FMNL3: variants seen among roughly 807,000 people sequenced by gnomAD.
The protein encoded by FMNL3 is formin like 3.
FMNL3 carries 57 observed loss-of-function variants against 119.6 expected under a neutral mutation model. The observed-to-expected ratio is 0.48, with a 90% confidence interval of 0.39 to 0.59. The LOEUF (loss-of-function observed/expected upper bound fraction) is 0.59. FMNL3 is among the 20% of genes least tolerant of loss of function. The pLI, the probability that FMNL3 is intolerant of heterozygous loss-of-function variation, is 0.00. For missense variants in FMNL3, 1,053 were observed against 1,323.5 expected (o/e 0.80, Z 3.17); for synonymous variants, 491 against 507.3 (o/e 0.97, Z 0.43).
At chr12:49,659,595 G>T (rs1279339807) in intron 5 of FMNL3, among the ~76,000 whole-genome samples, 1 of 152,076 alleles carries the variant, frequency 6.6e-6, no homozygotes, top group African/African-American at 2.4e-5. Flanking sequence ...AAATTTTCTT[G>T]TAGAGATGGA....
chr12:49,658,343 C>G, intron 6 of FMNL3, 99 bp downstream of exon 6: 1 of 1,456,638 alleles, frequency 6.9e-7, no homozygotes, highest in African/African-American at 1.4e-5. Context: ...AGCCTGGAAG[C>G]AAGAGTGGAG....
At chr12:49,656,603 A>G in intron 8 of FMNL3, 106 bp from the exon 9 acceptor site, 4 of 1,051,898 alleles carry the variant, frequency 3.8e-6, no homozygotes, top group Non-Finnish European at 5.6e-6. Context: ...AGAAAGCCTC[A>G]GTGGTGAGGA....
chr12:49,653,451 G>A (rs568409623), intron 12 of FMNL3, 124 bp from the exon 13 acceptor site: 25 of 1,017,628 alleles, frequency 2.5e-5, no homozygotes, highest in Non-Finnish European at 3.6e-5. Context: ...GCTTAGTCAG[G>A]TGGTTCCCTT....
chr12:49,678,203 G>A (rs931430490), intron 1 of FMNL3, among the ~76,000 whole-genome samples: 1 of 150,926 alleles, frequency 6.6e-6, no homozygotes, highest in Admixed American at 6.6e-5. Context: ...CTTTGCCCAG[G>A]CTGGAGTGCA....
rs766397381 is a variant in FMNL3 at position 49,649,450 on chromosome 12, T to C, written c.2304+20A>G. The C allele has an allele frequency of 1.2e-6, 2 of 1,614,018 alleles. No homozygotes were observed. The highest frequency in any genetic ancestry group is 1.7e-6 in the Non-Finnish European group (2 of 1,180,030). Reference sequence around the variant, plus strand: ...AGGACCTGAAAACCCCCAGCACCCCTGTTCACAACCTCTTCCCACCTCCAA... The same window carrying C: ...AGGACCTGAAAACCCCCAGCACCCCCGTTCACAACCTCTTCCCACCTCCAA... On this transcript the variant is annotated intron_variant, in intron 19 of 25. Transcript: ENST00000335154. This position sits in a 1 kb window ranked among gnomAD's most constrained non-coding sequence, Gnocchi z 5.6.
intron 1 of FMNL3, among the ~76,000 whole-genome samples, chr12:49,676,520 G>GTTTTTTTTTTTTTTTT (rs58117011): frequency 9.7e-6 from 1 of 102,996 alleles, no homozygotes; most frequent in Non-Finnish European, 2.0e-5. Context: ...TTCATAGTGG[G>GTTTTTTTTTTTTTTTT]TTTTTTTTTT....
At chr12:49,653,648 A>C (rs991716966) in intron 12 of FMNL3, 77 bp downstream of exon 12, 1 of 1,584,776 alleles carries the variant, frequency 6.3e-7, no homozygotes. Flanking sequence ...TCTGGAGGCA[A>C]ATGGGTCAGC....
intron 1 of FMNL3, among the ~76,000 whole-genome samples, chr12:49,696,483 C>G (rs1366808286): frequency 1.3e-5 from 2 of 152,200 alleles, no homozygotes; most frequent in Admixed American, 1.3e-4. Context: ...TTGTTTAAGA[C>G]TCACCTACAG....
chr12:49,653,447 T>A, intron 12 of FMNL3, 120 bp from the exon 13 acceptor site: 2 of 1,038,092 alleles, frequency 1.9e-6, no homozygotes, highest in Admixed American at 3.7e-5. Context: ...GGCAGCTTAG[T>A]CAGGTGGTTC....
At position 49,649,597 on chromosome 12, in the gene FMNL3, G is replaced by A; in HGVS notation, c.2236-59C>T. 1 of 1,612,146 alleles carries A rather than the reference G, an allele frequency of 6.2e-7. No individual in the cohort carries two copies. Among genetic ancestry groups the A allele is most frequent in the Non-Finnish European group, 8.5e-7 (1 of 1,178,250 alleles). ...GGCTGAGATGGGGTAAAGACAGGGA[G>A]GGGTCAGAAGGACTGGAAGGGCAGG... On this transcript the variant is annotated intron_variant, in intron 18 of 25. Coordinates refer to ENST00000335154, the MANE Select transcript of FMNL3 (RefSeq NM_175736.5). This position sits in a 1 kb window ranked among gnomAD's most constrained non-coding sequence, Gnocchi z 5.6.
At chr12:49,684,580 A>G (rs1473895096) in intron 1 of FMNL3, among the ~76,000 whole-genome samples, 1 of 152,244 alleles carries the variant, frequency 6.6e-6, no homozygotes, top group Non-Finnish European at 1.5e-5. Flanking sequence ...GACATTCTAG[A>G]GAAATGACAG....
intron 4 of FMNL3, among the ~76,000 whole-genome samples, chr12:49,664,478 G>T (rs60613973): frequency 0.085 from 12,969 of 152,206 alleles, 669 homozygotes; most frequent in African/African-American, 0.14. Flanking sequence ...ATGCGGAGTG[G>T]TAGGGGGCTC....
chr12:49,651,332 C>A (rs1196154103), intron 15 of FMNL3, 40 bp from the exon 16 acceptor site: 7 of 1,604,506 alleles, frequency 4.4e-6, no homozygotes, highest in Non-Finnish European at 5.1e-6. Flanking sequence ...GGGCCAAGGA[C>A]ACACACCCCT....
At position 49,641,758 on chromosome 12, in the gene FMNL3, G is replaced by T. The variant is rs1592617557; in HGVS notation, c.*4057C>A. The T allele has an allele frequency of 1.6e-6, 1 of 631,360 alleles. No individual in the cohort carries two copies. The highest frequency in any genetic ancestry group is 2.7e-5 in the East Asian group (1 of 36,844). 39.1% of individuals were successfully genotyped at this position (631,360 alleles called of 1,614,324 possible). ...CTTAATTGTCAAGTGATGAGGACTT[G>T]GATAACTTGGTTTCTAATGCAGACC... is the stretch of plus-strand genomic sequence containing the variant. On this transcript the variant is annotated 3_prime_UTR_variant, in exon 26 of 26. Coordinates refer to ENST00000335154, the MANE Select transcript of FMNL3 (RefSeq NM_175736.5).
rs370114728 is a variant in FMNL3 at position 49,649,692 on chromosome 12, G to A, written c.2234C>T (p.Pro745Leu). The A allele has an allele frequency of 4.3e-6, 7 of 1,613,920 alleles. No homozygotes were observed. The highest frequency in any genetic ancestry group is 2.2e-5 in the South Asian group (2 of 91,070). ...NFQDNLQMLT[P>L]QLNAIIAASA... Reference sequence around the variant, plus strand: ...CCATGAGTTGGGTGGGGGCTGTACCGGTGTGAGCATCTGCAGGTTATCCTG... The same window carrying A: ...CCATGAGTTGGGTGGGGGCTGTACCAGTGTGAGCATCTGCAGGTTATCCTG... Residue 745 changes from proline to leucine, a missense_variant and splice_region_variant, in exon 18 of 26, where the codon CCG becomes CTG. By Grantham distance (98) the Pro-to-Leu change is moderately conservative. Transcript: ENST00000335154. This position sits in a 1 kb window ranked among gnomAD's most constrained non-coding sequence, Gnocchi z 5.6.
intron 1 of FMNL3, among the ~76,000 whole-genome samples, chr12:49,690,119 T>C (rs1443754446): frequency 6.6e-6 from 1 of 152,214 alleles, no homozygotes; most frequent in Admixed American, 6.5e-5. Flanking sequence ...ACAGATAAAA[T>C]ACAGCACAGA....
intron 1 of FMNL3, among the ~76,000 whole-genome samples, chr12:49,686,858 G>A (rs936081199): frequency 6.6e-6 from 1 of 152,136 alleles, no homozygotes; most frequent in East Asian, 1.9e-4. Context: ...GAGCCAGGAA[G>A]AATCAACCAC....
chr12:49,639,989 G>T lies in FMNL3; in HGVS notation c.*5826C>A, dbSNP rs903476285. 1 of 152,234 alleles carries T rather than the reference G, an allele frequency of 6.6e-6. No homozygotes were observed. The highest frequency in any genetic ancestry group is 2.1e-4 in the South Asian group (1 of 4,834). The allele number at this position is 152,234 out of a possible 1,614,324, so 9.4% of individuals were successfully genotyped here. A position where few individuals can be genotyped will look rare whatever the true frequency, so the allele number is the denominator to read the frequency against. On this transcript the variant is annotated 3_prime_UTR_variant, in exon 26 of 26. Coordinates refer to ENST00000335154, the MANE Select transcript of FMNL3 (RefSeq NM_175736.5). ...CACAGAGTGGCTGGTTGATAGGCCT[G>T]TAGGGGCCTATCCTCACTGAGTCCT...
intron 1 of FMNL3, among the ~76,000 whole-genome samples, chr12:49,681,263 C>T (rs758412167): frequency 6.6e-5 from 10 of 152,310 alleles, no homozygotes; most frequent in South Asian, 2.1e-4. Context: ...CGCAGTGGCG[C>T]GATTTCAGCT....
Sources: gnomAD v4.1 joint callset for allele counts (sites outside exome capture counted in the v4.1 genomes callset) on GRCh38, gnomAD v4.1.1 for gene constraint, Gnocchi (gnomAD v3.1) non-coding constraint, MANE v1.5 for transcripts, NCBI Gene and HGNC (gene_info 2026-07-23, HGNC 2026-07-21) for gene names.